The following ARID4B variants were observed in gnomAD, a reference collection of about 807,000 sequenced individuals.
ARID4B encodes AT-rich interactive domain-containing protein 4B.
ARID4B carries 26 observed loss-of-function variants against 147.5 expected under a neutral mutation model. That is an observed-to-expected ratio of 0.18 (90% CI 0.13 to 0.24). ARID4B has a LOEUF of 0.24. Ranked by LOEUF, ARID4B falls within the 10% of genes least tolerant of loss-of-function variation. The probability of loss-of-function intolerance (pLI) is 1.00; values close to 1 mark genes in which losing one functional copy is unlikely to be tolerated. For synonymous variants in ARID4B, 512 were observed against 507.9 expected (o/e 1.01, Z -0.11); for missense variants, 1,179 against 1,511.5 (o/e 0.78, Z 3.65).
intron 5 of ARID4B, among the ~76,000 whole-genome samples, chr1:235,255,263 A>ATCGATCTATC (rs746915541): frequency 1.2e-4 from 11 of 90,832 alleles, no homozygotes; most frequent in African/African-American, 4.3e-4. Context: ...AGATAGATAG[A>ATCGATCTATC]TATATATCTC....
intron 2 of ARID4B, among the ~76,000 whole-genome samples, chr1:235,288,557 C>T (rs1463937432): frequency 6.6e-6 from 1 of 152,204 alleles, no homozygotes; most frequent in African/African-American, 2.4e-5. Flanking sequence ...TAAACACAAA[C>T]TGTCGAATTA....
intron 2 of ARID4B, among the ~76,000 whole-genome samples, chr1:235,313,462 G>C (rs905337697): frequency 6.6e-6 from 1 of 151,904 alleles, no homozygotes; most frequent in Non-Finnish European, 1.5e-5. Context: ...GTAGAGACTC[G>C]GGTTTAGCAG....
chr1:235,229,347 T>C lies in ARID4B; in HGVS notation c.781A>G (p.Ile261Val). 1 of 1,613,756 alleles carries C rather than the reference T, an allele frequency of 6.2e-7. No homozygotes were observed. Among genetic ancestry groups the C allele is most frequent in the Non-Finnish European group, 8.5e-7 (1 of 1,179,876 alleles). The change falls in exon 11 of 24, where the codon ATT becomes GTT. Residue 261 changes from isoleucine to valine, a missense_variant. Coordinates refer to ENST00000264183, the MANE Select transcript of ARID4B (RefSeq NM_016374.6). ...AATTCAGTCTTCCAGTTAGCAGGAATAGTTCTACTTTTGTGAAATTCAAGT... is the reference window on the plus strand; with the variant it reads ...AATTCAGTCTTCCAGTTAGCAGGAACAGTTCTACTTTTGTGAAATTCAAGT... ...QALEFHKSRTIPANWKTELKE... is the reference protein window; with the variant it reads ...QALEFHKSRTVPANWKTELKE...
chr1:235,221,462 C>T (rs1432531014), intron 14 of ARID4B, 103 bp downstream of exon 14: 6 of 626,996 alleles, frequency 9.6e-6, no homozygotes, highest in Non-Finnish European at 1.6e-5. Flanking sequence ...GTAAAATGTT[C>T]TGATTTCTTT....
intron 7 of ARID4B, 116 bp downstream of exon 7, chr1:235,246,303 GA>G (rs768016027): frequency 3.0e-5 from 24 of 790,402 alleles, no homozygotes; most frequent in Non-Finnish European, 4.9e-5. Context: ...TATTAGATCC[GA>G]AATTACTATT....
At chr1:235,227,830 ATT>A (rs1166758894) in intron 11 of ARID4B, among the ~76,000 whole-genome samples, 259 of 125,270 alleles carry the variant, frequency 2.1e-3, no homozygotes, top group African/African-American at 4.1e-3. Flanking sequence ...CTTTTCTGCT[ATT>A]TTTTTTTTTT....
intron 2 of ARID4B, among the ~76,000 whole-genome samples, chr1:235,304,083 A>G (rs1467878612): frequency 1.3e-5 from 2 of 152,268 alleles, no homozygotes; most frequent in African/African-American, 4.8e-5. Flanking sequence ...TAGGCCAGGC[A>G]CGGTGGCTCA....
intron 13 of ARID4B, among the ~76,000 whole-genome samples, chr1:235,222,522 A>G (rs1472509793): frequency 6.6e-6 from 1 of 152,124 alleles, no homozygotes; most frequent in Non-Finnish European, 1.5e-5. Context: ...GAATATTAAG[A>G]CAGATCCCTG....
At chr1:235,314,036 G>T (rs2103286093) in intron 2 of ARID4B, among the ~76,000 whole-genome samples, 1 of 152,184 alleles carries the variant, frequency 6.6e-6, no homozygotes, top group South Asian at 2.1e-4. Flanking sequence ...ACAATGTATT[G>T]AGAACTTACT....
intron 2 of ARID4B, among the ~76,000 whole-genome samples, chr1:235,310,348 A>C (rs1188870327): frequency 6.6e-6 from 1 of 152,208 alleles, no homozygotes; most frequent in African/African-American, 2.4e-5. Flanking sequence ...CAACAACTTT[A>C]TTATTTATTT....
rs1664358460 is a variant in ARID4B at position 235,182,175 on chromosome 1, C to T, written c.2744G>A (p.Arg915Lys). 6.2e-7 allele frequency: 1 copy of T among 1,614,078 alleles called. No individual in the cohort carries two copies. The highest frequency in any genetic ancestry group is 8.5e-7 in the Non-Finnish European group (1 of 1,180,046). ...RIKLLNNSDE[R>K]LQNSRAKDRK... ...ATCTTTGGCCCTGCTGTTTTGAAGT[C>T]TTTCATCAGAGTTATTTAAAAGTTT... Residue 915 changes from arginine to lysine, a missense_variant, in exon 20 of 24, where the codon AGA becomes AAA. Physicochemically the swap from Arg to Lys is conservative, Grantham distance 26. Around this residue, in one of 10 missense-constraint regions of ARID4B, gnomAD observed 321 missense variants for 342.4 expected, o/e 0.94. Transcript: ENST00000264183.
chr1:235,309,566 C>A (rs549372820), intron 2 of ARID4B, among the ~76,000 whole-genome samples: 1 of 148,846 alleles, frequency 6.7e-6, no homozygotes, highest in Non-Finnish European at 1.5e-5. Flanking sequence ...GTCAGCCCCC[C>A]GCCCGGTCAG....
chr1:235,278,044 G>C (rs752550649), intron 2 of ARID4B, among the ~76,000 whole-genome samples: 10 of 152,064 alleles, frequency 6.6e-5, no homozygotes, highest in Non-Finnish European at 1.5e-4. Context: ...CACACACAAA[G>C]TATCATTAGC....
At chr1:235,200,117 G>A (rs1558193906) in intron 17 of ARID4B, among the ~76,000 whole-genome samples, 1 of 152,076 alleles carries the variant, frequency 6.6e-6, no homozygotes. Flanking sequence ...CCAGGAGTTC[G>A]AGACCAGCCT....
At chr1:235,242,198 A>G (rs922935101) in intron 7 of ARID4B, among the ~76,000 whole-genome samples, 6 of 151,794 alleles carry the variant, frequency 4.0e-5, no homozygotes, top group African/African-American at 1.5e-4. Flanking sequence ...CAGTGAGCCG[A>G]TATCGCACCA....
At chr1:235,307,089 A>G (rs775865378) in intron 2 of ARID4B, among the ~76,000 whole-genome samples, 1 of 152,192 alleles carries the variant, frequency 6.6e-6, no homozygotes, top group Non-Finnish European at 1.5e-5. Flanking sequence ...ATTACAGAGA[A>G]AAAAAATTAT....
chr1:235,326,938 G>C lies in ARID4B; in HGVS notation c.-19C>G, dbSNP rs766621882. 1 of 1,613,792 alleles carries C rather than the reference G, an allele frequency of 6.2e-7. No individual in the cohort carries two copies. The highest frequency in any genetic ancestry group is 1.7e-5 in the Admixed American group (1 of 60,010). On this transcript the variant is annotated 5_prime_UTR_variant, in exon 2 of 24. Transcript: ENST00000264183. Reference sequence around the variant, plus strand: ...CCTTCATGATGACTCTGGGACCAAGGTATCCTCTAAAACACCAGGTTCAGC... The same window carrying C: ...CCTTCATGATGACTCTGGGACCAAGCTATCCTCTAAAACACCAGGTTCAGC...
chr1:235,184,328 C>T (rs1305623005), intron 19 of ARID4B, among the ~76,000 whole-genome samples: 1 of 151,784 alleles, frequency 6.6e-6, no homozygotes, highest in Non-Finnish European at 1.5e-5. Flanking sequence ...TCATTCAATC[C>T]TCAGAACAAT....
intron 2 of ARID4B, among the ~76,000 whole-genome samples, chr1:235,277,196 T>A (rs1671371742): frequency 6.6e-6 from 1 of 151,918 alleles, no homozygotes; most frequent in African/African-American, 2.4e-5. Context: ...CAACAAGACA[T>A]GATCGTGCCA....
Sources: gnomAD v4.1 joint callset for allele counts (sites outside exome capture counted in the v4.1 genomes callset) on GRCh38, gnomAD v4.1.1 for gene constraint, gnomAD v4.1.1 regional missense constraint, MANE v1.5 for transcripts, NCBI Gene and HGNC (gene_info 2026-07-23, HGNC 2026-07-21) for gene names.